Variants in SERPINF1 observed in about 807,000 individuals in gnomAD.
SERPINF1 encodes pigment epithelium-derived factor.
SERPINF1 carries 29 observed loss-of-function variants against 37.3 expected under a neutral mutation model. That is an observed-to-expected ratio of 0.78 (90% CI 0.58 to 1.06). The LOEUF (loss-of-function observed/expected upper bound fraction) is 1.06, where lower values mean the gene tolerates loss of function less well. SERPINF1 is among the 50% of genes least tolerant of loss of function. The pLI, the probability that SERPINF1 is intolerant of heterozygous loss-of-function variation, is 0.00. For missense variants in SERPINF1, 553 were observed against 532.2 expected, an observed-to-expected ratio of 1.04 and a Z score of -0.38; for synonymous variants, 281 against 227.9, an observed-to-expected ratio of 1.23 and a Z score of -2.10.
chr17:1,772,074 G>A lies in SERPINF1; in HGVS notation c.642G>A (p.Lys214=). ...SILLLGVAHF[K]GQWVTKFDSR... is the part of the protein sequence containing the mutation. ...TCCTTCTCGGTGTGGCGCACTTCAA[G>A]GGTGAGCGCGTCTCCAATTCTTTTT... The change falls in exon 5 of 8, where the codon AAG becomes AAA. Residue 214 remains lysine, a splice_region_variant and synonymous_variant. Transcript: ENST00000254722. 6.2e-7 allele frequency: 1 copy of A among 1,609,164 alleles called. No homozygotes were observed. Among genetic ancestry groups the A allele is most frequent in the East Asian group, 2.2e-5 (1 of 44,732 alleles).
Position 1,775,126 on chromosome 17 carries a change from A to C in SERPINF1, c.712A>C (p.Thr238Pro). ...LEDFYLDEERTVRVPMMSDPK... is the reference protein window; with the variant it reads ...LEDFYLDEERPVRVPMMSDPK... ...GGATTTCTACTTGGATGAAGAGAGG[A>C]CCGTGAGGGTCCCCATGATGTCGGA... The change falls in exon 6 of 8, where the codon ACC becomes CCC. Residue 238 changes from threonine (T) to proline (P), a missense_variant. Coordinates refer to ENST00000254722, the MANE Select transcript of SERPINF1 (RefSeq NM_002615.7). 6.2e-7 allele frequency: 1 copy of C among 1,613,992 alleles called. No homozygotes were observed. Among genetic ancestry groups the C allele is most frequent in the Non-Finnish European group, 8.5e-7 (1 of 1,180,006 alleles).
chr17:1,770,134 C>T lies in SERPINF1; in HGVS notation c.283+84C>T, dbSNP rs1907638310. Reference sequence around the variant, plus strand: ...GCGTAAACGTGGCTGAGTTTATTGACATTTCAGTTCAGCGAGGGGTGAAGT... The same window carrying T: ...GCGTAAACGTGGCTGAGTTTATTGATATTTCAGTTCAGCGAGGGGTGAAGT... On this transcript the variant is annotated intron_variant, in intron 3 of 7. Coordinates refer to ENST00000254722, the MANE Select transcript of SERPINF1 (RefSeq NM_002615.7). 3.4e-6 allele frequency: 5 copies of T among 1,465,800 alleles called. No individual in the cohort carries two copies. In the African/African-American group the frequency reaches 4.2e-5, roughly 12 times the overall value. The allele number at this position is 1,465,800 out of a possible 1,614,324, so 90.8% of individuals were successfully genotyped here. A position where few individuals can be genotyped will look rare whatever the true frequency, so the allele number is the denominator to read the frequency against.
At chr17:1,774,718 T>TCC (rs1346073761) in intron 5 of SERPINF1, among the ~76,000 whole-genome samples, 1 of 152,208 alleles carries the variant, frequency 6.6e-6, no homozygotes, top group African/African-American at 2.4e-5. Flanking sequence ...CACCCCGGCC[T>TCC]CCCAATATGC....
rs559851699 is a variant in SERPINF1, at chr17:1,771,068, T to C, written c.323T>C (p.Leu108Pro). 1 of 1,614,118 alleles carries C rather than the reference T, an allele frequency of 6.2e-7. No homozygotes were observed. The highest frequency in any genetic ancestry group is 1.1e-5 in the South Asian group (1 of 91,084). The change falls in exon 4 of 8, where the codon CTC becomes CCC. Residue 108 changes from leucine to proline, a missense_variant. Transcript: ENST00000254722. ...ACAGAATCCATCATTCACCGGGCTC[T>C]CTACTATGACTTGATCAGCAGCCCA... ...QRTESIIHRALYYDLISSPDI... is the reference protein window; with the variant it reads ...QRTESIIHRAPYYDLISSPDI...
chr17:1,770,094 C>T, intron 3 of SERPINF1, 44 bp downstream of exon 3: 1 of 1,599,912 alleles, frequency 6.3e-7, no homozygotes, highest in Non-Finnish European at 8.6e-7. Flanking sequence ...CCTGGAGAGG[C>T]CCCCTGTGGC....
At position 1,776,573 on chromosome 17, in the gene SERPINF1, C is replaced by T. The variant is rs267604755; in HGVS notation, c.828C>T (p.Phe276=). The stretch of plus-strand genomic sequence containing the variant: ...TGACCGGAAGCATGAGTATCATCTT[C>T]TTCCTGCCCCTGAAAGTGACCCAGA... The part of the protein sequence containing the change: ...LPLTGSMSII[F]FLPLKVTQNL... Residue 276 remains phenylalanine (F), a synonymous_variant, in exon 7 of 8, where the codon TTC becomes TTT. Transcript: ENST00000254722. 6.2e-7 allele frequency: 1 copy of T among 1,614,068 alleles called. No homozygotes were observed. The highest frequency in any genetic ancestry group is 1.6e-4 in the Middle Eastern group (1 of 6,062).
chr17:1,769,840 G>C lies in SERPINF1; in HGVS notation c.85-12G>C, dbSNP rs1567754060. ...CCTGAACTCAAACCCAAGACTTCCT[G>C]TCTCCTGCCAGGGCTCCCCAGACCC... is the stretch of plus-strand genomic sequence containing the variant. On this transcript the variant is annotated splice_polypyrimidine_tract_variant and intron_variant, in intron 2 of 7. Transcript: ENST00000254722. 1.2e-6 allele frequency: 2 copies of C among 1,614,166 alleles called. No homozygotes were observed.
At chr17:1,770,934 CAAAAAAG>C (rs748027755) in intron 3 of SERPINF1, 88 bp from the exon 4 acceptor site, 1 of 1,515,930 alleles carries the variant, frequency 6.6e-7, no homozygotes, top group South Asian at 1.1e-5. Flanking sequence ...TCTCAGCAGA[CAAAAAAG>C]ATGAGTATAG....
At chr17:1,773,808 T>C (rs1394510200) in intron 5 of SERPINF1, among the ~76,000 whole-genome samples, 1 of 152,100 alleles carries the variant, frequency 6.6e-6, no homozygotes, top group African/African-American at 2.4e-5. Context: ...GGGCCAGCCC[T>C]GTTCAGATAA....
Position 1,766,963 on chromosome 17 carries a change from GCTGCCAGAACC to G in SERPINF1, c.61_71del (p.Asn21ProfsTer40), listed in dbSNP as rs753042751. The G allele has an allele frequency of 1.9e-6, 3 of 1,562,112 alleles. No homozygotes were observed. Among genetic ancestry groups the G allele is most frequent in the Non-Finnish European group, 1.7e-6 (2 of 1,152,876 alleles). ...ATTGGAGCCCTCCTCGGGCACAGCA[GCTGCCAGAACC>G]CTGCCAGCCCCCCGGAGGAGGTCAG... On this transcript the variant is annotated frameshift_variant, in exon 2 of 8. Coordinates refer to ENST00000254722, the MANE Select transcript of SERPINF1 (RefSeq NM_002615.7). LOFTEE classifies it high-confidence loss of function.
At chr17:1,766,869 G>A in intron 1 of SERPINF1, 34 bp from the exon 2 acceptor site, 2 of 1,540,184 alleles carry the variant, frequency 1.3e-6, no homozygotes, top group South Asian at 1.2e-5. Flanking sequence ...AGTGTCGGGG[G>A]AGAGCGGCTT....
chr17:1,763,382 G>A (rs932433341), intron 1 of SERPINF1, among the ~76,000 whole-genome samples: 1 of 152,212 alleles, frequency 6.6e-6, no homozygotes, highest in Non-Finnish European at 1.5e-5. Context: ...AGAAAATAAG[G>A]CCTGACCTTG....
At chr17:1,772,228 T>A (rs1907791757) in intron 5 of SERPINF1, among the ~76,000 whole-genome samples, 153 bp downstream of exon 5, 1 of 152,034 alleles carries the variant, frequency 6.6e-6, no homozygotes, top group South Asian at 2.1e-4. Context: ...GCAATTCTTG[T>A]GCCTCAGCCT....
intron 6 of SERPINF1, 161 bp from the exon 7 acceptor site, chr17:1,776,371 G>A: frequency 1.4e-6 from 1 of 714,302 alleles, no homozygotes; most frequent in South Asian, 1.5e-5. Context: ...CTCACTGCCA[G>A]AAAGCTATAA....
chr17:1,765,878 A>T (rs2151204602), intron 1 of SERPINF1, among the ~76,000 whole-genome samples: 1 of 147,034 alleles, frequency 6.8e-6, no homozygotes, highest in South Asian at 2.2e-4. Flanking sequence ...CAAAAAAAAA[A>T]AAAAAAAAAA....
intron 2 of SERPINF1, 80 bp from the exon 3 acceptor site, chr17:1,769,772 C>T (rs906127676): frequency 1.4e-5 from 21 of 1,514,066 alleles, no homozygotes; most frequent in Non-Finnish European, 1.9e-5. Flanking sequence ...CACCACCCTA[C>T]ACAAAGCCGT....
intron 5 of SERPINF1, among the ~76,000 whole-genome samples, chr17:1,774,048 G>A (rs928068735): frequency 3.9e-5 from 6 of 152,174 alleles, no homozygotes; most frequent in South Asian, 2.1e-4. Flanking sequence ...CTTCCAGAGC[G>A]TCAGCCAGTT....
intron 1 of SERPINF1, among the ~76,000 whole-genome samples, chr17:1,765,138 C>T (rs2151204130): frequency 7.7e-6 from 1 of 130,084 alleles, no homozygotes; most frequent in Non-Finnish European, 1.6e-5. Context: ...GCCACTGCGC[C>T]TGGCCTTTTT....
chr17:1,774,840 C>T (rs1597355022), intron 5 of SERPINF1, among the ~76,000 whole-genome samples: 1 of 152,094 alleles, frequency 6.6e-6, no homozygotes, highest in Non-Finnish European at 1.5e-5. Context: ...GTCTTGCCAT[C>T]GGAGTTTGCT....
Sources: allele counts gnomAD v4.1 joint callset (sites outside exome capture counted in the v4.1 genomes callset), GRCh38; gene constraint gnomAD v4.1.1; transcripts MANE v1.5; gene names NCBI Gene and HGNC (gene_info 2026-07-23, HGNC 2026-07-21).